Variants in UBE2D1 observed in about 807,000 individuals in gnomAD.
UBE2D1 encodes ubiquitin conjugating enzyme E2 D1.
UBE2D1 carries 9 observed loss-of-function variants against 24.6 expected under a neutral mutation model. The ratio of observed to expected loss-of-function variants is 0.37; its 90% CI spans 0.22 to 0.64. The LOEUF is 0.64. UBE2D1 is among the 30% of genes least tolerant of loss of function. The pLI, the probability that UBE2D1 is intolerant of heterozygous loss-of-function variation, is 0.64. For synonymous variants in UBE2D1, 57 were observed against 57.6 expected, an observed-to-expected ratio of 0.99 and a Z score of 0.04; for missense variants, 87 against 177.1, an observed-to-expected ratio of 0.49 and a Z score of 2.89.
Position 58,364,875 on chromosome 10 carries a change from A to C in UBE2D1, c.303A>C (p.Lys101Asn). ...GGTCACCAGCTCTGACTGTATCAAA[A>C]GGTAATTTCATTGATCAGGTTTGAA... is the stretch of plus-strand genomic sequence containing the variant. ...SQWSPALTVS[K>N]VLLSICSLLC... The change falls in exon 5 of 7, where the codon AAA (lysine) becomes AAC (asparagine). Residue 101 changes from lysine to asparagine, a missense_variant and splice_region_variant. Physicochemically the swap from Lys to Asn is moderately conservative, Grantham distance 94. Coordinates refer to ENST00000373910, the MANE Select transcript of UBE2D1 (RefSeq NM_003338.5). 6.2e-7 allele frequency: 1 copy of C among 1,609,844 alleles called. No individual in the cohort carries two copies. Among genetic ancestry groups the C allele is most frequent in the Non-Finnish European group, 8.5e-7 (1 of 1,176,564 alleles).
At chr10:58,336,197 T>C (rs778501241) in intron 1 of UBE2D1, among the ~76,000 whole-genome samples, 4 of 152,236 alleles carry the variant, frequency 2.6e-5, no homozygotes, top group Admixed American at 6.5e-5. Flanking sequence ...TTGGTCTGTG[T>C]ACTGACCCAA....
chr10:58,351,069 T>C (rs1840071161), intron 1 of UBE2D1, among the ~76,000 whole-genome samples: 1 of 152,144 alleles, frequency 6.6e-6, no homozygotes, highest in Non-Finnish European at 1.5e-5. Context: ...TTACCATAAA[T>C]GGAGTTCGCA....
intron 1 of UBE2D1, among the ~76,000 whole-genome samples, chr10:58,356,500 T>C (rs1840132494): frequency 6.6e-6 from 1 of 152,184 alleles, no homozygotes; most frequent in Non-Finnish European, 1.5e-5. Flanking sequence ...GATGGACCTT[T>C]AGGTTATTTC....
At chr10:58,363,172 T>C (rs1384074825) in intron 3 of UBE2D1, among the ~76,000 whole-genome samples, 8 of 152,172 alleles carry the variant, frequency 5.3e-5, no homozygotes, top group Admixed American at 5.2e-4. Context: ...TTCTTGGTCA[T>C]CAAGTGAACA....
intron 1 of UBE2D1, among the ~76,000 whole-genome samples, chr10:58,351,670 G>A (rs1356501361): frequency 6.6e-6 from 1 of 152,154 alleles, no homozygotes; most frequent in Non-Finnish European, 1.5e-5. Flanking sequence ...AAGAGTACAT[G>A]CTGACATAAT....
intron 3 of UBE2D1, among the ~76,000 whole-genome samples, chr10:58,363,199 A>G (rs1165351064): frequency 6.6e-6 from 1 of 152,156 alleles, no homozygotes; most frequent in East Asian, 1.9e-4. Context: ...CTTAAGTTTT[A>G]CTATCCTCAA....
intron 1 of UBE2D1, among the ~76,000 whole-genome samples, chr10:58,338,643 A>G (rs1217367960): frequency 6.6e-6 from 1 of 152,094 alleles, no homozygotes; most frequent in African/African-American, 2.4e-5. Flanking sequence ...TAATATCCCA[A>G]TACCAAATGT....
intron 1 of UBE2D1, among the ~76,000 whole-genome samples, chr10:58,335,541 C>T (rs553710143): frequency 1.3e-5 from 2 of 152,382 alleles, no homozygotes; most frequent in South Asian, 4.1e-4. Context: ...TTCACGGTCA[C>T]GGCCGGGTTT....
chr10:58,368,196 C>A, intron 6 of UBE2D1, 180 bp downstream of exon 6: 1 of 499,606 alleles, frequency 2.0e-6, no homozygotes, highest in East Asian at 3.0e-5. Context: ...TATGATAAAT[C>A]TTGTTCCTTC....
Position 58,366,499 on chromosome 10 carries a change from ACTTCCTT to A in UBE2D1, c.305-1420_305-1414del, listed in dbSNP as rs144896581. 1.5e-4 allele frequency among the ~76,000 whole-genome samples: 23 copies of A among 151,950 alleles called. No homozygotes were observed. In the East Asian group the frequency reaches 4.3e-3, roughly 28 times the overall value. Reference sequence around the variant, plus strand: ...GGCAGTAGGGGTGAGCAGAGGAGGAACTTCCTTCTTGCTTACTTTTTTATAAGATAGA... The same window carrying A: ...GGCAGTAGGGGTGAGCAGAGGAGGAACTTGCTTACTTTTTTATAAGATAGA... On this transcript the variant is annotated intron_variant, in intron 5 of 6. Transcript: ENST00000373910.
chr10:58,368,027 A>G lies in UBE2D1; in HGVS notation c.398+11A>G, dbSNP rs766221392. ...ATCAGACAAAGAAAAGTAAGTGTTT[A>G]CTTATTTTAGTTTCTGTATGGATAC... On this transcript the variant is annotated intron_variant, in intron 6 of 6. Transcript: ENST00000373910. The G allele has an allele frequency of 6.3e-7, 1 of 1,592,090 alleles. No homozygotes were observed. The highest frequency in any genetic ancestry group is 8.6e-7 in the Non-Finnish European group (1 of 1,162,066).
intron 1 of UBE2D1, among the ~76,000 whole-genome samples, chr10:58,347,341 C>T (rs1452335944): frequency 6.6e-6 from 1 of 152,178 alleles, no homozygotes; most frequent in Admixed American, 6.6e-5. Flanking sequence ...TGCATTTTTA[C>T]TGTAAGCCTT....
chr10:58,362,188 C>A (rs1840206413), intron 3 of UBE2D1, among the ~76,000 whole-genome samples: 1 of 152,112 alleles, frequency 6.6e-6, no homozygotes, highest in Admixed American at 6.5e-5. Flanking sequence ...AATCTGATTG[C>A]ATAAGAATGA....
intron 1 of UBE2D1, among the ~76,000 whole-genome samples, chr10:58,346,471 G>T (rs747623127): frequency 2.0e-5 from 3 of 152,166 alleles, no homozygotes; most frequent in African/African-American, 4.8e-5. Flanking sequence ...AAACCTGAAG[G>T]CAATGATGTT....
At chr10:58,367,301 T>TTGTG (rs1564563081) in intron 5 of UBE2D1, among the ~76,000 whole-genome samples, 90 of 141,190 alleles carry the variant, frequency 6.4e-4, no homozygotes, top group African/African-American at 2.5e-3. Flanking sequence ...CTTAGATCGT[T>TTGTG]AGTGTGTGTG....
At chr10:58,339,446 T>G (rs980363987) in intron 1 of UBE2D1, among the ~76,000 whole-genome samples, 2 of 152,202 alleles carry the variant, frequency 1.3e-5, no homozygotes, top group Admixed American at 6.5e-5. Flanking sequence ...GCTTACTAGC[T>G]TCGTACAATG....
chr10:58,363,629 T>C lies in UBE2D1; in HGVS notation c.141T>C (p.Gly47=), dbSNP rs759791178. Reference sequence around the variant, plus strand: ...TTCAGCCTGATAGCGCATATCAAGGTGGAGTCTTCTTTCTCACTGTACATT... The same window carrying C: ...TTCAGCCTGATAGCGCATATCAAGGCGGAGTCTTCTTTCTCACTGTACATT... ...IMGPPDSAYQ[G]GVFFLTVHFP... is the part of the protein sequence containing the mutation. Residue 47 remains glycine, a synonymous_variant, in exon 4 of 7, where the codon GGT becomes GGC. Coordinates refer to ENST00000373910, the MANE Select transcript of UBE2D1 (RefSeq NM_003338.5). 2 of 1,611,642 alleles carry C rather than the reference T, an allele frequency of 1.2e-6. No homozygotes were observed. Among genetic ancestry groups the C allele is most frequent in the African/African-American group, 2.7e-5 (2 of 74,800 alleles).
intron 1 of UBE2D1, among the ~76,000 whole-genome samples, chr10:58,342,186 G>C (rs1214088584): frequency 6.6e-6 from 1 of 152,172 alleles, no homozygotes; most frequent in African/African-American, 2.4e-5. Context: ...CTGCTATCTA[G>C]AAGCATACAG....
chr10:58,366,169 G>A (rs1840253036), intron 5 of UBE2D1, among the ~76,000 whole-genome samples: 1 of 152,158 alleles, frequency 6.6e-6, no homozygotes, highest in Admixed American at 6.5e-5. Flanking sequence ...CATATAAACT[G>A]CCAAGTCCTT....
Sources: allele counts gnomAD v4.1 joint callset (sites outside exome capture counted in the v4.1 genomes callset), GRCh38; gene constraint gnomAD v4.1.1; transcripts MANE v1.5; gene names NCBI Gene and HGNC (gene_info 2026-07-23, HGNC 2026-07-21).